Variants in SUPV3L1 observed in about 807,000 individuals in gnomAD.
The protein encoded by SUPV3L1 is ATP-dependent RNA helicase SUPV3L1, mitochondrial.
SUPV3L1 carries 35 observed loss-of-function variants against 70.0 expected under a neutral mutation model. The observed-to-expected ratio is 0.50, with a 90% CI of 0.38 to 0.66. SUPV3L1 has a LOEUF of 0.66. Among genes scored for constraint, SUPV3L1 ranks in the 30% least tolerant of loss-of-function variants. The pLI is 0.00. For synonymous variants in SUPV3L1, 364 were observed against 341.9 expected (o/e 1.06, Z -0.71); for missense variants, 777 against 961.5 (o/e 0.81, Z 2.54).
At chr10:69,195,063 G>C (rs113938498) in intron 6 of SUPV3L1, 125 bp from the exon 7 acceptor site, 6 of 647,840 alleles carry the variant, frequency 9.3e-6, no homozygotes, top group African/African-American at 5.5e-5. Context: ...AAACCTGCTG[G>C]AAAAGAGGAA....
intron 1 of SUPV3L1, among the ~76,000 whole-genome samples, chr10:69,185,451 C>T (rs987778318): frequency 6.8e-6 from 1 of 147,400 alleles, no homozygotes; most frequent in Admixed American, 6.7e-5. Context: ...GTGCATTGCT[C>T]ATTCCTCTAT....
chr10:69,206,090 T>C (rs985080021), intron 13 of SUPV3L1, among the ~76,000 whole-genome samples: 1 of 152,140 alleles, frequency 6.6e-6, no homozygotes, highest in African/African-American at 2.4e-5. Flanking sequence ...CTTAGCTCTT[T>C]TATGTATTGG....
chr10:69,182,525 C>T (rs564358182), intron 1 of SUPV3L1: 1 of 985,296 alleles, frequency 1.0e-6, no homozygotes, highest in South Asian at 4.7e-5. Flanking sequence ...TGCAGCTATT[C>T]CAATTCACCT....
At chr10:69,190,037 A>T (rs10998629) in intron 5 of SUPV3L1, among the ~76,000 whole-genome samples, 1,876 of 152,348 alleles carry the variant, frequency 0.012, 27 homozygotes, top group East Asian at 0.049. Flanking sequence ...ATTGAAGAAC[A>T]TTTTACATAT....
chr10:69,197,058 T>C lies in SUPV3L1; in HGVS notation c.998T>C (p.Met333Thr). The C allele has an allele frequency of 6.2e-7, 1 of 1,614,166 alleles. No individual in the cohort carries two copies. Residue 333 changes from methionine to threonine, a missense_variant, in exon 8 of 15, where the codon ATG (methionine) becomes ACG (threonine). Met to Thr is a moderately conservative substitution (Grantham distance 81). This residue lies in a region of SUPV3L1 where 619 missense variants were observed against 823.3 expected (regional missense o/e 0.75). Coordinates refer to ENST00000359655, the MANE Select transcript of SUPV3L1 (RefSeq NM_003171.5). ...PAAIDLVMEL[M>T]YTTGEEVEVR... ...GCTATTGACCTGGTGATGGAGCTTA[T>C]GTACACAACGGGGGAGGAAGTGGAG...
At chr10:69,183,091 T>G (rs145673748) in intron 1 of SUPV3L1, among the ~76,000 whole-genome samples, 2 of 152,188 alleles carry the variant, frequency 1.3e-5, no homozygotes, top group South Asian at 4.1e-4. Flanking sequence ...TCAAGACAAC[T>G]TACCTTCCCC....
chr10:69,182,564 G>A, intron 1 of SUPV3L1: 1 of 985,244 alleles, frequency 1.0e-6, no homozygotes. Context: ...GCTGCTTCCT[G>A]TAAGAAGATA....
chr10:69,207,136 C>T (rs1341524296), intron 13 of SUPV3L1, among the ~76,000 whole-genome samples: 1 of 152,090 alleles, frequency 6.6e-6, no homozygotes, highest in Non-Finnish European at 1.5e-5. Context: ...AGCTTTAGAA[C>T]ATCACATATT....
At chr10:69,198,694 A>G in intron 9 of SUPV3L1, 142 bp downstream of exon 9, 1 of 756,180 alleles carries the variant, frequency 1.3e-6, no homozygotes, top group Non-Finnish European at 2.0e-6. Flanking sequence ...ATATAAAATA[A>G]ATAATTTTCT....
In SUPV3L1 at chr10:69,186,109, C is replaced by G. The variant is rs41279648; in HGVS notation, c.349+45C>G. 3,700 of 1,530,704 alleles carry G rather than the reference C, an allele frequency of 2.4e-3. 17 individuals are homozygous for G. Among genetic ancestry groups the G allele is most frequent in the Middle Eastern group, 0.02 (119 of 5,914 alleles). 94.8% of individuals were successfully genotyped at this position (1,530,704 alleles called of 1,614,324 possible). A position where few individuals can be genotyped will look rare whatever the true frequency, so the allele number is the denominator to read the frequency against. On this transcript the variant is annotated intron_variant, in intron 2 of 14. Coordinates refer to ENST00000359655, the MANE Select transcript of SUPV3L1 (RefSeq NM_003171.5). ...CATAGAGGTATTTTATTACCTCTTA[C>G]GGTACAGCTTGGTCAGGACTGTACG...
rs754124592 is a variant in SUPV3L1 at position 69,180,580 on chromosome 10, TGAGGGCGGCA to T, written c.271+24_271+33del. The T allele has an allele frequency of 1.9e-6, 3 of 1,611,414 alleles. No homozygotes were observed. The African/African-American group carries it at 4.0e-5, about 22-fold the overall frequency. Reference sequence around the variant, plus strand: ...GGACAAGAGTGAGTGCGGGAACTACTGAGGGCGGCAGAGGGTGGTGTCTGCTGGGCCGAGG... The same window carrying T: ...GGACAAGAGTGAGTGCGGGAACTACTGAGGGTGGTGTCTGCTGGGCCGAGG... On this transcript the variant is annotated intron_variant, in intron 1 of 14. Coordinates refer to ENST00000359655, the MANE Select transcript of SUPV3L1 (RefSeq NM_003171.5).
At chr10:69,202,594 C>A in intron 12 of SUPV3L1, 75 bp downstream of exon 12, 1 of 1,356,040 alleles carries the variant, frequency 7.4e-7, no homozygotes, top group Non-Finnish European at 1.0e-6. Context: ...ACCTCATGAG[C>A]ATGAATGGAT....
rs76214264 is a variant in SUPV3L1 at position 69,180,450 on chromosome 10, C to T, written c.159C>T (p.Ser53=). The T allele has an allele frequency of 5.6e-6, 9 of 1,614,126 alleles. No homozygotes were observed. In the East Asian group the frequency reaches 1.8e-4, roughly 32 times the overall value. ...SVLATASSSA[S]GGSKIPNTSL... ...TTGCCACCGCCTCCTCCTCTGCCTC[C>T]GGTGGCTCCAAAATACCAAACACGT... The change falls in exon 1 of 15, where the codon TCC becomes TCT. Residue 53 remains serine (S), a synonymous_variant. Transcript: ENST00000359655.
rs187579657 is a variant in SUPV3L1 at position 69,208,851 on chromosome 10, C to A, written c.2177C>A (p.Pro726His). 6.2e-7 allele frequency: 1 copy of A among 1,614,022 alleles called. No individual in the cohort carries two copies. The highest frequency in any genetic ancestry group is 2.2e-5 in the East Asian group (1 of 44,902). Reference sequence around the variant, plus strand: ...AGTAAAGCTACTGAGCCACCCAGCCCCGATGCAGGAGAGCTGTCCCTTGCT... The same window carrying A: ...AGTAAAGCTACTGAGCCACCCAGCCACGATGCAGGAGAGCTGTCCCTTGCT... ...LGSKATEPPS[P>H]DAGELSLASR... The change falls in exon 15 of 15, where the codon CCC becomes CAC. Residue 726 changes from proline (P) to histidine (H), a missense_variant. This residue lies in a region of SUPV3L1 where 619 missense variants were observed against 823.3 expected (regional missense o/e 0.75). Coordinates refer to ENST00000359655, the MANE Select transcript of SUPV3L1 (RefSeq NM_003171.5).
chr10:69,202,106 T>G (rs1343847830), intron 11 of SUPV3L1, among the ~76,000 whole-genome samples: 3 of 152,198 alleles, frequency 2.0e-5, no homozygotes, highest in Non-Finnish European at 4.4e-5. Context: ...CCCAAAGTGC[T>G]GGGATTACAG....
chr10:69,186,791 A>C (rs1217672357), intron 3 of SUPV3L1, among the ~76,000 whole-genome samples: 4 of 152,172 alleles, frequency 2.6e-5, no homozygotes, highest in African/African-American at 9.7e-5. Context: ...GCCCAGTGAA[A>C]TAAGCTCTCA....
rs1842407888 is a variant in SUPV3L1, at chr10:69,191,842, T to G, written c.853+76T>G. 1.2e-5 allele frequency: 14 copies of G among 1,125,946 alleles called. No individual in the cohort carries two copies. The South Asian group carries it at 1.7e-4, about 14-fold the overall frequency. 69.7% of individuals were successfully genotyped at this position (1,125,946 alleles called of 1,614,324 possible). On this transcript the variant is annotated intron_variant, in intron 6 of 14. Transcript: ENST00000359655. ...TTTTTTTCAAGACAGAGTCTTGCTC[T>G]GTTGTCCAGGCTGGAATGCAATGGT...
intron 10 of SUPV3L1, 114 bp downstream of exon 10, chr10:69,199,311 A>G: frequency 7.8e-6 from 6 of 765,384 alleles, no homozygotes; most frequent in Non-Finnish European, 1.3e-5. Context: ...GGGAGAATAA[A>G]TATTATAGGC....
chr10:69,203,918 T>C (rs1842753725), intron 13 of SUPV3L1, among the ~76,000 whole-genome samples: 1 of 151,558 alleles, frequency 6.6e-6, no homozygotes, highest in Non-Finnish European at 1.5e-5. Flanking sequence ...TAGAGACAGA[T>C]CTCTCTATGT....
Sources: allele counts gnomAD v4.1 joint callset (sites outside exome capture counted in the v4.1 genomes callset), GRCh38; gene constraint gnomAD v4.1.1; regional missense constraint gnomAD v4.1.1; transcripts MANE v1.5; gene names NCBI Gene and HGNC (gene_info 2026-07-23, HGNC 2026-07-21).